NAV2: variants seen among roughly 807,000 people sequenced by gnomAD.
NAV2 encodes the protein helicase, APC down-regulated 1.
A neutral mutation model predicts 223.2 loss-of-function variants in NAV2; 54 were observed. That is an observed-to-expected ratio of 0.24 (90% confidence interval 0.19 to 0.30). The LOEUF (loss-of-function observed/expected upper bound fraction) is 0.30, where lower values mean the gene tolerates loss of function less well. Among genes scored for constraint, NAV2 ranks in the 10% least tolerant of loss-of-function variants. The pLI is 1.00. For missense variants in NAV2, 2,806 were observed against 3,147.5 expected (o/e 0.89, Z 2.60); for synonymous variants, 1,279 against 1,239.3 (o/e 1.03, Z -0.67).
rs1462690364 is a variant in NAV2 at position 19,933,957 on chromosome 11, C to T, written c.1713C>T (p.Ser571=). 73 of 1,596,094 alleles carry T rather than the reference C, an allele frequency of 4.6e-5. No individual in the cohort carries two copies. The highest frequency in any genetic ancestry group is 5.8e-5 in the Non-Finnish European group (68 of 1,173,010). Residue 571 remains serine (S), a synonymous_variant, in exon 7 of 38, where the codon AGC becomes AGT. Coordinates refer to ENST00000349880, the MANE Select transcript of NAV2 (RefSeq NM_145117.5). This position sits in a 1 kb window ranked among gnomAD's most constrained non-coding sequence, Gnocchi z 4.3. The part of the protein sequence containing the change: ...HSGIPKPGMK[S]MPGKSPSAPA... ...GAATACCAAAACCAGGAATGAAAAG[C>T]ATGCCCGGGAAATCCCCAAGTGCCC...
At chr11:19,487,800 C>T (rs568732288) in intron 1 of NAV2, among the ~76,000 whole-genome samples, 1 of 152,256 alleles carries the variant, frequency 6.6e-6, no homozygotes, top group African/African-American at 2.4e-5. Context: ...GACCCTGTAC[C>T]TCAGAAGCCA....
intron 6 of NAV2, among the ~76,000 whole-genome samples, chr11:19,916,388 GA>G (rs797019477): frequency 2.4e-4 from 36 of 151,900 alleles, no homozygotes; most frequent in African/African-American, 8.2e-4. Context: ...TGCTTTTGAG[GA>G]AAAAAAATAA....
intron 1 of NAV2, among the ~76,000 whole-genome samples, chr11:19,703,918 G>C (rs1419583315): frequency 6.6e-6 from 1 of 151,998 alleles, no homozygotes; most frequent in African/African-American, 2.4e-5. Flanking sequence ...CTAATGTAAA[G>C]CCAAGGATGC....
At chr11:19,632,695 C>T (rs755636229) in intron 1 of NAV2, among the ~76,000 whole-genome samples, 2 of 152,166 alleles carry the variant, frequency 1.3e-5, no homozygotes, top group African/African-American at 2.4e-5. Flanking sequence ...AATATGCCTT[C>T]GACCTTTCTC....
chr11:20,075,823 C>T (rs2153654483), intron 22 of NAV2, among the ~76,000 whole-genome samples: 1 of 143,392 alleles, frequency 7.0e-6, no homozygotes, highest in East Asian at 2.1e-4. Context: ...CTGTGTGTGT[C>T]AGTCATCTCC....
At chr11:19,719,263 T>C (rs955597345) in intron 1 of NAV2, among the ~76,000 whole-genome samples, 2 of 152,188 alleles carry the variant, frequency 1.3e-5, no homozygotes, top group African/African-American at 4.8e-5. Context: ...GAGCTCTTTA[T>C]ATAGATATTA....
chr11:19,455,610 A>G (rs1851932198), intron 1 of NAV2, among the ~76,000 whole-genome samples: 1 of 152,186 alleles, frequency 6.6e-6, no homozygotes, highest in South Asian at 2.1e-4. Flanking sequence ...TAACCACAGC[A>G]TCTCTATGAA....
Position 20,062,325 on chromosome 11 carries a change from C to T in NAV2, c.4850C>T (p.Ser1617Phe). 1 of 1,611,790 alleles carries T rather than the reference C, an allele frequency of 6.2e-7. No homozygotes were observed. The highest frequency in any genetic ancestry group is 8.5e-7 in the Non-Finnish European group (1 of 1,179,436). The change falls in exon 20 of 38, where the codon TCC becomes TTC. Residue 1617 changes from serine to phenylalanine, a missense_variant. Ser to Phe is a radical substitution (Grantham distance 155). Transcript: ENST00000349880. Reference protein sequence around the residue: ...GFEEVHGSSLSLVSSTSSVYS... With the variant: ...GFEEVHGSSLFLVSSTSSVYS... ...TTAATAGTTCATGGATCCTCACTCT[C>T]CTTGGTTTCCAGCACATCGTCAGTT...
At chr11:19,626,363 C>A (rs549976540) in intron 1 of NAV2, among the ~76,000 whole-genome samples, 2 of 152,304 alleles carry the variant, frequency 1.3e-5, no homozygotes, top group Non-Finnish European at 2.9e-5. Context: ...TTTCTGGGTT[C>A]TCTATTCCGT....
chr11:19,614,408 C>T (rs780226989), intron 1 of NAV2, among the ~76,000 whole-genome samples: 7 of 152,168 alleles, frequency 4.6e-5, no homozygotes, highest in Non-Finnish European at 7.4e-5. Flanking sequence ...CTCTCTCTCT[C>T]TCTCTTTAAT....
intron 1 of NAV2, among the ~76,000 whole-genome samples, chr11:19,717,762 T>G (rs796976578): frequency 4.1e-4 from 62 of 152,296 alleles, no homozygotes; most frequent in African/African-American, 1.4e-3. Context: ...TCATAACAGA[T>G]CATTGGGAAA....
At chr11:19,675,857 A>G (rs1390199327) in intron 1 of NAV2, among the ~76,000 whole-genome samples, 2 of 152,252 alleles carry the variant, frequency 1.3e-5, no homozygotes, top group African/African-American at 2.4e-5. Flanking sequence ...ATTAATAATA[A>G]TATCAATCGC....
intron 1 of NAV2, among the ~76,000 whole-genome samples, chr11:19,531,065 A>T (rs1011518085): frequency 5.9e-5 from 9 of 152,196 alleles, no homozygotes; most frequent in Non-Finnish European, 8.8e-5. Flanking sequence ...TCCAACAAAG[A>T]TTACTACTAT....
chr11:19,898,800 A>T (rs531900215), intron 6 of NAV2, among the ~76,000 whole-genome samples: 1 of 152,338 alleles, frequency 6.6e-6, no homozygotes, highest in African/African-American at 2.4e-5. Context: ...CTTTCTCTAC[A>T]TACTTGATAG....
At chr11:19,644,449 C>T (rs2047760829) in intron 1 of NAV2, among the ~76,000 whole-genome samples, 1 of 152,204 alleles carries the variant, frequency 6.6e-6, no homozygotes, top group African/African-American at 2.4e-5. Flanking sequence ...TAATGCATCT[C>T]ATATAACCCT....
At chr11:19,706,241 G>A (rs1350544901) in intron 1 of NAV2, among the ~76,000 whole-genome samples, 1 of 152,112 alleles carries the variant, frequency 6.6e-6, no homozygotes, top group Non-Finnish European at 1.5e-5. Flanking sequence ...TTGAATACAG[G>A]CTTTCCTCTA....
chr11:19,755,248 A>G (rs906612028), intron 1 of NAV2, among the ~76,000 whole-genome samples: 1 of 152,260 alleles, frequency 6.6e-6, no homozygotes, highest in Non-Finnish European at 1.5e-5. Context: ...AGAGTAGACA[A>G]CTAAAAATAA....
intron 1 of NAV2, among the ~76,000 whole-genome samples, chr11:19,648,957 T>A (rs59409935): frequency 0.067 from 10,132 of 152,222 alleles, 835 homozygotes; most frequent in African/African-American, 0.19. Flanking sequence ...TTAGTAGATT[T>A]TATTACACTT....
intron 1 of NAV2, among the ~76,000 whole-genome samples, chr11:19,827,832 G>A (rs996185356): frequency 1.2e-4 from 18 of 152,216 alleles, no homozygotes; most frequent in African/African-American, 4.1e-4. Context: ...TGCTCCTGGT[G>A]TGGTGCACCG....
Sources: allele counts gnomAD v4.1 joint callset (sites outside exome capture counted in the v4.1 genomes callset), GRCh38; gene constraint gnomAD v4.1.1; non-coding constraint Gnocchi (gnomAD v3.1); transcripts MANE v1.5; gene names NCBI Gene and HGNC (gene_info 2026-07-23, HGNC 2026-07-21).